MOCS1: variants seen among roughly 807,000 people sequenced by gnomAD.
MOCS1 encodes the protein molybdenum cofactor biosynthesis protein 1.
Under a neutral mutation model 57.6 loss-of-function variants are expected in MOCS1, and 39 were observed. The ratio of observed to expected loss-of-function variants is 0.68; its 90% CI spans 0.52 to 0.88. MOCS1 has a LOEUF of 0.88. Ranked by LOEUF, MOCS1 falls within the 40% of genes least tolerant of loss-of-function variation. MOCS1 has a pLI of 0.00. For missense variants in MOCS1, 795 were observed against 831.1 expected (o/e 0.96, Z 0.53); for synonymous variants, 334 against 335.7 (o/e 1.00, Z 0.05).
intron 9 of MOCS1, among the ~76,000 whole-genome samples, chr6:39,909,409 C>T (rs888479913): frequency 1.3e-5 from 2 of 151,916 alleles, no homozygotes; most frequent in African/African-American, 4.8e-5. Flanking sequence ...GCTTGACAGC[C>T]CCGAGCACAT....
chr6:39,909,606 T>A (rs948528074), intron 9 of MOCS1, among the ~76,000 whole-genome samples: 2 of 151,874 alleles, frequency 1.3e-5, no homozygotes, highest in Non-Finnish European at 2.9e-5. Context: ...GAATCTGGGG[T>A]CCCCTCTCCT....
In MOCS1 at chr6:39,904,924, A is replaced by T. The variant is rs745650301; in HGVS notation, c.*1433T>A. ...ATGAGGGGATCTGGGGTGGGCTGAG[A>T]GTGTGCTGGAGCCAGCTTGTACCAG... On this transcript the variant is annotated 3_prime_UTR_variant, in exon 11 of 11. Coordinates refer to ENST00000340692, the MANE Select transcript of MOCS1 (RefSeq NM_001358530.2). 10 of 453,984 alleles carry T rather than the reference A, an allele frequency of 2.2e-5. No homozygotes were observed. Among genetic ancestry groups the T allele is most frequent in the Non-Finnish European group, 3.5e-5 (8 of 226,810 alleles). The allele number at this position is 453,984 out of a possible 1,614,324, so 28.1% of individuals were successfully genotyped here.
chr6:39,915,883 G>A (rs1247864743), intron 4 of MOCS1, among the ~76,000 whole-genome samples, 185 bp downstream of exon 4: 2 of 152,148 alleles, frequency 1.3e-5, no homozygotes, highest in Admixed American at 6.5e-5. Flanking sequence ...GGTCATTAGC[G>A]TCTGACCCCC....
At chr6:39,908,361 C>T (rs1050174163) in intron 10 of MOCS1, among the ~76,000 whole-genome samples, 3 of 152,074 alleles carry the variant, frequency 2.0e-5, no homozygotes, top group Non-Finnish European at 4.4e-5. Flanking sequence ...ATCTGGGCAC[C>T]GTGACAGAGG....
chr6:39,922,342 A>T (rs1768016835), intron 3 of MOCS1, among the ~76,000 whole-genome samples: 3 of 152,240 alleles, frequency 2.0e-5, no homozygotes, highest in African/African-American at 7.2e-5. Context: ...GGGGCTGCAC[A>T]TGGCCTAGGA....
chr6:39,930,963 G>A (rs1768613116), intron 1 of MOCS1, among the ~76,000 whole-genome samples: 1 of 152,226 alleles, frequency 6.6e-6, no homozygotes, highest in Non-Finnish European at 1.5e-5. Context: ...GATCCATGGA[G>A]GAACACTGTT....
intron 3 of MOCS1, among the ~76,000 whole-genome samples, chr6:39,918,448 C>A (rs557071681): frequency 2.6e-5 from 4 of 152,178 alleles, no homozygotes; most frequent in Non-Finnish European, 5.9e-5. Flanking sequence ...TTTTTAAAGC[C>A]TTTGACCTGA....
intron 4 of MOCS1, 120 bp downstream of exon 4, chr6:39,915,948 C>A: frequency 8.5e-7 from 1 of 1,178,438 alleles, no homozygotes; most frequent in South Asian, 1.3e-5. Flanking sequence ...AGTGCTTTGA[C>A]TTACTGATAG....
chr6:39,905,525 C>CAA lies in MOCS1; in HGVS notation c.*830_*831dup, dbSNP rs1005491993. 8.5e-6 allele frequency: 4 copies of CAA among 471,028 alleles called. No homozygotes were observed. Among genetic ancestry groups the CAA allele is most frequent in the African/African-American group, 4.0e-5 (2 of 50,056 alleles). 29.2% of individuals were successfully genotyped at this position (471,028 alleles called of 1,614,324 possible). Reference sequence around the variant, plus strand: ...CACAGTGTCTTCATTCTTGCATCTGCAAAGTTGGCATCGTAGCTTTATTTG... The same window carrying CAA: ...CACAGTGTCTTCATTCTTGCATCTGCAAAAAGTTGGCATCGTAGCTTTATTTG... On this transcript the variant is annotated 3_prime_UTR_variant, in exon 11 of 11. Transcript: ENST00000340692.
intron 1 of MOCS1, among the ~76,000 whole-genome samples, chr6:39,929,939 CAAAAAAAAAA>C (rs397948587): frequency 1.0e-5 from 1 of 96,712 alleles, no homozygotes; most frequent in East Asian, 3.3e-4. Context: ...GAGATTCTCT[CAAAAAAAAAA>C]AAAAAAAAAA....
chr6:39,933,440 A>G (rs1297081373), intron 1 of MOCS1, among the ~76,000 whole-genome samples: 2 of 152,102 alleles, frequency 1.3e-5, no homozygotes, highest in East Asian at 1.9e-4. Context: ...GAAGTCATTG[A>G]GCAATATAGG....
At chr6:39,910,028 C>G (rs1423524219) in intron 8 of MOCS1, 73 bp from the exon 9 acceptor site, 23 of 1,600,674 alleles carry the variant, frequency 1.4e-5, no homozygotes, top group Non-Finnish European at 2.0e-5. Flanking sequence ...GGAGCTAACT[C>G]CTTCCCTGGT....
At position 39,922,443 on chromosome 6, in the gene MOCS1, G is replaced by A. The variant is rs114172062; in HGVS notation, c.418+3235C>T. Among the ~76,000 whole-genome samples, 1,329 of 152,188 alleles carry A rather than the reference G, an allele frequency of 8.7e-3. 15 individuals carry two copies. Among genetic ancestry groups the A allele is most frequent in the African/African-American group, 0.029 (1,190 of 41,518 alleles). The stretch of plus-strand genomic sequence containing the variant: ...TTTTAGCTCATCAGCTATCGTTAGT[G>A]TTCGTGTATTTTATGTGTGGCCTCA... On this transcript the variant is annotated intron_variant, in intron 3 of 10. Transcript: ENST00000340692.
Position 39,906,677 on chromosome 6 carries a change from C to G in MOCS1, c.1591G>C (p.Asp531His). 3 of 1,614,136 alleles carry G rather than the reference C, an allele frequency of 1.9e-6. No individual in the cohort carries two copies. Among genetic ancestry groups the G allele is most frequent in the Non-Finnish European group, 2.5e-6 (3 of 1,180,050 alleles). Residue 531 changes from aspartate (D) to histidine (H), a missense_variant, in exon 11 of 11, where the codon GAT (aspartate) becomes CAT (histidine). By Grantham distance (81) the Asp-to-His change is moderately conservative (BLOSUM62 -1). Around this residue, in one of 3 missense-constraint regions of MOCS1, gnomAD observed 374 missense variants for 422.6 expected, o/e 0.89. Coordinates refer to ENST00000340692, the MANE Select transcript of MOCS1 (RefSeq NM_001358530.2). ...GCCAGCTGGGCCACCACTAGGGCAT[C>G]TCCTTTCTTGAGCTGGTTCTGCTGG... ...LVQQNQLKKG[D>H]ALVVAQLAGV...
chr6:39,905,419 T>C lies in MOCS1; in HGVS notation c.*938A>G, dbSNP rs1469202523. 6 of 469,956 alleles carry C rather than the reference T, an allele frequency of 1.3e-5. No individual in the cohort carries two copies. Among genetic ancestry groups the C allele is most frequent in the Non-Finnish European group, 2.6e-5 (6 of 227,046 alleles). The allele number at this position is 469,956 out of a possible 1,614,324, so 29.1% of individuals were successfully genotyped here. A position where few individuals can be genotyped will look rare whatever the true frequency, so the allele number is the denominator to read the frequency against. ...CCCTCCTCTTCTTCCCTCAGGGAACTGTGTCTTGGGATAGGATTGATTGAT... is the reference window on the plus strand; with the variant it reads ...CCCTCCTCTTCTTCCCTCAGGGAACCGTGTCTTGGGATAGGATTGATTGAT... On this transcript the variant is annotated 3_prime_UTR_variant, in exon 11 of 11. Transcript: ENST00000340692.
At chr6:39,931,857 T>C (rs561128828) in intron 1 of MOCS1, among the ~76,000 whole-genome samples, 46 of 152,140 alleles carry the variant, frequency 3.0e-4, no homozygotes, top group Non-Finnish European at 5.4e-4. Context: ...AAAGCCTGCA[T>C]GGAGCCTCAG....
At chr6:39,930,508 C>T (rs1041258103) in intron 1 of MOCS1, among the ~76,000 whole-genome samples, 1 of 151,504 alleles carries the variant, frequency 6.6e-6, no homozygotes, top group Non-Finnish European at 1.5e-5. Flanking sequence ...GCAGAAAGGT[C>T]GTATATGCAA....
chr6:39,909,369 G>A (rs1013464679), intron 9 of MOCS1, among the ~76,000 whole-genome samples: 7 of 151,266 alleles, frequency 4.6e-5, no homozygotes, highest in African/African-American at 1.7e-4. Context: ...GGGACAGGGC[G>A]GGGAGAGGAG....
intron 8 of MOCS1, among the ~76,000 whole-genome samples, chr6:39,910,571 C>G (rs2149401061): frequency 6.6e-6 from 1 of 152,336 alleles, no homozygotes; most frequent in South Asian, 2.1e-4. Context: ...TACCTACCAT[C>G]CTTCCACCAA....
Sources: allele counts gnomAD v4.1 joint callset (sites outside exome capture counted in the v4.1 genomes callset), GRCh38; gene constraint gnomAD v4.1.1; regional missense constraint gnomAD v4.1.1; transcripts MANE v1.5; gene names NCBI Gene and HGNC (gene_info 2026-07-23, HGNC 2026-07-21).